Variants in HBEGF observed in about 807,000 individuals in gnomAD.
The protein encoded by HBEGF is proheparin-binding EGF-like growth factor.
In HBEGF, 8 loss-of-function variants were observed where a neutral mutation model predicts 19.5. The ratio of observed to expected loss-of-function variants is 0.41; its 90% confidence interval spans 0.24 to 0.74. The LOEUF (loss-of-function observed/expected upper bound fraction) is 0.74. Among genes scored for constraint, HBEGF ranks in the 30% least tolerant of loss-of-function variants. HBEGF has a pLI of 0.32. For missense variants in HBEGF, 207 were observed against 256.9 expected (o/e 0.81, Z 1.33); for synonymous variants, 97 against 108.9 (o/e 0.89, Z 0.68).
chr5:140,344,862 T>TG (rs1766373570), intron 2 of HBEGF, among the ~76,000 whole-genome samples: 1 of 33,702 alleles, frequency 3.0e-5, no homozygotes, highest in Non-Finnish European at 6.2e-5. Flanking sequence ...GGGTGGGGGG[T>TG]GGGGGTGGGG....
At chr5:140,341,698 A>G (rs907957270) in intron 3 of HBEGF, among the ~76,000 whole-genome samples, 12 of 152,220 alleles carry the variant, frequency 7.9e-5, no homozygotes, top group Non-Finnish European at 1.3e-4. Context: ...TGCATACAAC[A>G]GTCTCTTGGC....
At chr5:140,334,903 C>A (rs1766204188) in intron 4 of HBEGF, 155 bp from the exon 5 acceptor site, 2 of 666,860 alleles carry the variant, frequency 3.0e-6, no homozygotes, top group African/African-American at 1.8e-5. Flanking sequence ...AAAGGCCCAA[C>A]TGCCCCGAGG....
chr5:140,345,727 CAA>C (rs1491337995), intron 2 of HBEGF, among the ~76,000 whole-genome samples, 182 bp downstream of exon 2: 2 of 152,102 alleles, frequency 1.3e-5, no homozygotes, highest in Admixed American at 1.3e-4. Flanking sequence ...GAGGCAATGA[CAA>C]GAGAGAGAGA....
chr5:140,344,075 T>C (rs1377732915), intron 2 of HBEGF, among the ~76,000 whole-genome samples: 3 of 151,934 alleles, frequency 2.0e-5, no homozygotes, highest in African/African-American at 4.8e-5. Context: ...GAGGCAGAGA[T>C]TGCAGTGAGC....
chr5:140,334,436 T>C (rs1157074622), intron 5 of HBEGF, among the ~76,000 whole-genome samples, 156 bp from the exon 6 acceptor site: 3 of 151,036 alleles, frequency 2.0e-5, no homozygotes, highest in Non-Finnish European at 4.4e-5. Context: ...GGGATGAGGG[T>C]GGGAGAAGCT....
Position 140,334,741 on chromosome 5 carries a change from T to C in HBEGF, c.562A>G (p.Arg188Gly). 1 of 1,613,198 alleles carries C rather than the reference T, an allele frequency of 6.2e-7. No homozygotes were observed. Among genetic ancestry groups the C allele is most frequent in the South Asian group, 1.1e-5 (1 of 91,068 alleles). ...TTTTCCACATCATAACCTCCTCTCC[T>C]ATGGTACCTGAGGAAGATAAGTTTT... Reference protein sequence around the residue: ...IVGLLMFRYHRRGGYDVENEE... With the variant: ...IVGLLMFRYHGRGGYDVENEE... The change falls in exon 5 of 6, where the codon AGG (arginine) becomes GGG (glycine). Residue 188 changes from arginine to glycine, a missense_variant. By Grantham distance (125) the Arg-to-Gly change is moderately radical. Transcript: ENST00000230990.
Position 140,346,408 on chromosome 5 carries a change from C to A in HBEGF, c.-80G>T. ...ACTGGGCGCTGGCACCAGAGCTGGGCGGCGGAGCTCAGGAGATTCCGCCGG... is the reference window on the plus strand; with the variant it reads ...ACTGGGCGCTGGCACCAGAGCTGGGAGGCGGAGCTCAGGAGATTCCGCCGG... On this transcript the variant is annotated 5_prime_UTR_variant, in exon 1 of 6. Transcript: ENST00000230990. This position sits in a 1 kb window ranked among gnomAD's most constrained non-coding sequence, Gnocchi z 6.1. 2 of 1,493,884 alleles carry A rather than the reference C, an allele frequency of 1.3e-6. No homozygotes were observed. Among genetic ancestry groups the A allele is most frequent in the Non-Finnish European group, 1.8e-6 (2 of 1,098,214 alleles). 92.5% of individuals were successfully genotyped at this position (1,493,884 alleles called of 1,614,324 possible).
At chr5:140,335,053 G>T (rs1276565136) in intron 4 of HBEGF, 1 of 415,254 alleles carries the variant, frequency 2.4e-6, no homozygotes, top group African/African-American at 2.0e-5. Context: ...ACAGTAACTT[G>T]TTCCAGGTCT....
Position 140,339,746 on chromosome 5 carries a change from T to C in HBEGF, c.398+2889A>G, listed in dbSNP as rs950496330. On this transcript the variant is annotated intron_variant, in intron 3 of 5. Coordinates refer to ENST00000230990, the MANE Select transcript of HBEGF (RefSeq NM_001945.3). ...GCTGGTGACACAAAAAGGGTTTTCC[T>C]GTTCATGGTGGCTGCAGAGGGCTAG... 3.9e-5 allele frequency among the ~76,000 whole-genome samples: 6 copies of C among 152,156 alleles called. No individual in the cohort carries two copies. The East Asian group carries it at 9.6e-4, about 24-fold the overall frequency.
chr5:140,345,796 G>A (rs1766387104), intron 2 of HBEGF, 115 bp downstream of exon 2: 1 of 1,281,454 alleles, frequency 7.8e-7, no homozygotes, highest in South Asian at 1.3e-5. Context: ...GCTTTTCCCC[G>A]AGGTTCTCCA....
intron 3 of HBEGF, among the ~76,000 whole-genome samples, chr5:140,337,693 G>A (rs573546333): frequency 6.6e-5 from 10 of 152,202 alleles, no homozygotes; most frequent in South Asian, 2.1e-4. Flanking sequence ...TGGGTACTTC[G>A]AGAAACCACC....
At chr5:140,334,590 C>A in intron 5 of HBEGF, 68 bp downstream of exon 5, 1 of 1,029,350 alleles carries the variant, frequency 9.7e-7, no homozygotes, top group Admixed American at 1.7e-5. Flanking sequence ...AATTCAGCAC[C>A]CACTGAAGCA....
chr5:140,334,352 CT>C (rs1247270904), intron 5 of HBEGF, 72 bp from the exon 6 acceptor site: 2 of 307,076 alleles, frequency 6.5e-6, no homozygotes, highest in Non-Finnish European at 5.9e-6. Context: ...CTGGTCCAGT[CT>C]TTTTTATTTT....
intron 3 of HBEGF, among the ~76,000 whole-genome samples, chr5:140,341,338 G>C (rs1766308383): frequency 6.6e-6 from 1 of 152,162 alleles, no homozygotes; most frequent in Non-Finnish European, 1.5e-5. Flanking sequence ...TTGACTACTT[G>C]AGTCACCTTC....
Position 140,335,969 on chromosome 5 carries a change from G to A in HBEGF, c.457C>T (p.Arg153Cys). The A allele has an allele frequency of 1.9e-6, 3 of 1,614,130 alleles. No homozygotes were observed. Among genetic ancestry groups the A allele is most frequent in the East Asian group, 2.2e-5 (1 of 44,886 alleles). ...CHGLSLPVEN[R>C]LYTYDHTTIL... ...GTTGTGTGGTCATAGGTATATAAGC[G>A]ATTTTCCACTGGGAGGCTCAGCCCA... Residue 153 changes from arginine to cysteine, a missense_variant, in exon 4 of 6, where the codon CGC becomes TGC. By Grantham distance (180) the Arg-to-Cys change is radical. Around this residue, in one of 3 missense-constraint regions of HBEGF, gnomAD observed 77 missense variants for 106.9 expected, o/e 0.72. Coordinates refer to ENST00000230990, the MANE Select transcript of HBEGF (RefSeq NM_001945.3).
intron 3 of HBEGF, among the ~76,000 whole-genome samples, chr5:140,340,112 C>A (rs143655809): frequency 4.5e-4 from 69 of 151,952 alleles, no homozygotes; most frequent in African/African-American, 1.3e-3. Context: ...CATGGTGAAA[C>A]CCCATCTCCA....
At chr5:140,336,855 A>G (rs1330657823) in intron 3 of HBEGF, among the ~76,000 whole-genome samples, 1 of 131,442 alleles carries the variant, frequency 7.6e-6, no homozygotes, top group Admixed American at 8.2e-5. Context: ...TTTGAGACAG[A>G]GTCTTGCTCT....
chr5:140,339,246 A>G (rs1336734309), intron 3 of HBEGF, among the ~76,000 whole-genome samples: 3 of 152,302 alleles, frequency 2.0e-5, no homozygotes, highest in African/African-American at 7.2e-5. Flanking sequence ...GAGGCCAAGT[A>G]GAGCCCCCTA....
chr5:140,342,944 T>C (rs1299409840), intron 2 of HBEGF, 132 bp from the exon 3 acceptor site: 3 of 873,616 alleles, frequency 3.4e-6, no homozygotes, highest in African/African-American at 1.7e-5. Flanking sequence ...CTTAGCTCAG[T>C]GCCTCCTAAG....
Sources: allele counts gnomAD v4.1 joint callset (sites outside exome capture counted in the v4.1 genomes callset), GRCh38; gene constraint gnomAD v4.1.1; regional missense constraint gnomAD v4.1.1; non-coding constraint Gnocchi (gnomAD v3.1); transcripts MANE v1.5; gene names NCBI Gene and HGNC (gene_info 2026-07-23, HGNC 2026-07-21).